Variants in PGR observed in about 807,000 individuals in gnomAD.
PGR encodes the protein progesterone receptor.
A neutral mutation model predicts 76.1 loss-of-function variants in PGR; 25 were observed. The observed-to-expected ratio is 0.33, with a 90% CI of 0.24 to 0.46. PGR has a LOEUF of 0.46. Among genes scored for constraint, PGR ranks in the 20% least tolerant of loss-of-function variants. PGR has a pLI of 1.00. For synonymous variants in PGR, 579 were observed against 535.0 expected (o/e 1.08, Z -1.14); for missense variants, 1,172 against 1,225.3 (o/e 0.96, Z 0.65).
rs1328369452 is a variant in PGR at position 101,115,030 on chromosome 11, C to G, written c.1789+10977G>C. 4.6e-5 allele frequency among the ~76,000 whole-genome samples: 7 copies of G among 152,138 alleles called. No homozygotes were observed. The East Asian group carries it at 1.2e-3, about 25-fold the overall frequency. On this transcript the variant is annotated intron_variant, in intron 2 of 7. Transcript: ENST00000325455. Reference sequence around the variant, plus strand: ...TTCCTTTAAAGCAGTGGTAAGCTAACTTTTTTGGGGGTGGGAATAAGGGGT... The same window carrying G: ...TTCCTTTAAAGCAGTGGTAAGCTAAGTTTTTTGGGGGTGGGAATAAGGGGT...
At chr11:101,042,508 T>G (rs1434034731) in intron 6 of PGR, among the ~76,000 whole-genome samples, 2 of 152,202 alleles carry the variant, frequency 1.3e-5, no homozygotes, top group Non-Finnish European at 2.9e-5. Context: ...CTTGGATCTC[T>G]TAGTAAACTT....
In PGR at chr11:101,099,394, A is replaced by G. The variant is rs757190145; in HGVS notation, c.1790-7518T>C. On this transcript the variant is annotated intron_variant, in intron 2 of 7. Coordinates refer to ENST00000325455, the MANE Select transcript of PGR (RefSeq NM_000926.4). ...CATGTTAGAAATTGGGATGGCGGTT[A>G]CTTTTGGGGAATGATTGGAAGGGGC... 4.5e-4 allele frequency among the ~76,000 whole-genome samples: 69 copies of G among 152,178 alleles called. 1 individual carries two copies. The highest frequency in any genetic ancestry group is 9.1e-4 in the Non-Finnish European group (62 of 68,036).
intron 3 of PGR, among the ~76,000 whole-genome samples, chr11:101,068,594 A>G (rs552686632): frequency 2.6e-5 from 4 of 152,226 alleles, no homozygotes; most frequent in Admixed American, 6.5e-5. Flanking sequence ...AGCTGGAGGT[A>G]TCATGCTACC....
rs906181069 is a variant in PGR at position 101,070,495 on chromosome 11, G to T, written c.1907-7743C>A. 3.9e-5 allele frequency among the ~76,000 whole-genome samples: 6 copies of T among 152,116 alleles called. No individual in the cohort carries two copies. In the East Asian group the frequency reaches 5.8e-4, roughly 15 times the overall value. On this transcript the variant is annotated intron_variant, in intron 3 of 7. Transcript: ENST00000325455. ...ACAGAACCATTCACTCCCCTGGAAG[G>T]GGGGCTGAAGCCAGGGAGCCAAGTG...
rs1859415941 is a variant in PGR, at chr11:101,033,538, A to G, written c.*5578T>C. ...CTATCAAGTTAAGGCTGCACAAAAT[A>G]TATCAAATCTGTGTGGATATAATTG... On this transcript the variant is annotated 3_prime_UTR_variant, in exon 8 of 8. Coordinates refer to ENST00000325455, the MANE Select transcript of PGR (RefSeq NM_000926.4). 1 of 192,868 alleles carries G rather than the reference A, an allele frequency of 5.2e-6. No individual in the cohort carries two copies. The highest frequency in any genetic ancestry group is 2.3e-5 in the African/African-American group (1 of 43,130). 11.9% of individuals were successfully genotyped at this position (192,868 alleles called of 1,614,324 possible).
At chr11:101,102,954 C>G (rs1004156619) in intron 2 of PGR, among the ~76,000 whole-genome samples, 5 of 151,920 alleles carry the variant, frequency 3.3e-5, no homozygotes, top group African/African-American at 9.7e-5. Flanking sequence ...GGAGCACAAC[C>G]TAGATCCCTG....
rs538081856 is a variant in PGR at position 101,036,211 on chromosome 11, T to C, written c.*2905A>G. 9 of 221,466 alleles carry C rather than the reference T, an allele frequency of 4.1e-5. No individual in the cohort carries two copies. The East Asian group carries it at 5.3e-4, about 13-fold the overall frequency. The allele number at this position is 221,466 out of a possible 1,614,324, so 13.7% of individuals were successfully genotyped here. A position where few individuals can be genotyped will look rare whatever the true frequency, so the allele number is the denominator to read the frequency against. On this transcript the variant is annotated 3_prime_UTR_variant, in exon 8 of 8. Coordinates refer to ENST00000325455, the MANE Select transcript of PGR (RefSeq NM_000926.4). ...GTTTTGGCAAAAAAAATATTGTTCATCATATTTCCATATCATCTGTATAGC... is the reference window on the plus strand; with the variant it reads ...GTTTTGGCAAAAAAAATATTGTTCACCATATTTCCATATCATCTGTATAGC...
chr11:101,100,826 T>A (rs777607499), intron 2 of PGR, among the ~76,000 whole-genome samples: 1 of 151,946 alleles, frequency 6.6e-6, no homozygotes, highest in Non-Finnish European at 1.5e-5. Flanking sequence ...GCTAATAACA[T>A]CCCATAATGC....
intron 2 of PGR, among the ~76,000 whole-genome samples, chr11:101,104,100 T>A (rs1160072796): frequency 6.6e-6 from 1 of 152,238 alleles, no homozygotes; most frequent in Non-Finnish European, 1.5e-5. Flanking sequence ...ATATCTACTA[T>A]GTGCCAACAT....
rs1181413195 is a variant in PGR at position 101,037,561 on chromosome 11, T to C, written c.*1555A>G. ...GCTTAGGGAGAGAAATAATATTCCA[T>C]TCATTCAGTTTAAAAACTTAGAACA... On this transcript the variant is annotated 3_prime_UTR_variant, in exon 8 of 8. Transcript: ENST00000325455. The C allele has an allele frequency of 4.4e-6, 1 of 228,176 alleles. No individual in the cohort carries two copies. The highest frequency in any genetic ancestry group is 8.7e-6 in the Non-Finnish European group (1 of 114,948). 14.1% of individuals were successfully genotyped at this position (228,176 alleles called of 1,614,324 possible).
chr11:101,064,755 T>C (rs1860653165), intron 3 of PGR, among the ~76,000 whole-genome samples: 1 of 152,210 alleles, frequency 6.6e-6, no homozygotes. Context: ...CTGAATATCT[T>C]GTCTTTATTA....
At chr11:101,039,845 T>A (rs1220171903) in intron 7 of PGR, among the ~76,000 whole-genome samples, 1 of 151,992 alleles carries the variant, frequency 6.6e-6, no homozygotes, top group Non-Finnish European at 1.5e-5. Flanking sequence ...CTATTCCAGC[T>A]CCCTAGACAC....
Position 101,034,325 on chromosome 11 carries a change from C to A in PGR, c.*4791G>T, listed in dbSNP as rs11224561. On this transcript the variant is annotated 3_prime_UTR_variant, in exon 8 of 8. Coordinates refer to ENST00000325455, the MANE Select transcript of PGR (RefSeq NM_000926.4). ...CAGACTCCACAGCTGCATAAGGCTG[C>A]GGACAAGCTTGGGCGCAGCCCCTGT... 2 of 217,550 alleles carry A rather than the reference C, an allele frequency of 9.2e-6. No individual in the cohort carries two copies. Among genetic ancestry groups the A allele is most frequent in the African/African-American group, 4.5e-5 (2 of 44,414 alleles). 13.5% of individuals were successfully genotyped at this position (217,550 alleles called of 1,614,324 possible). A position where few individuals can be genotyped will look rare whatever the true frequency, so the allele number is the denominator to read the frequency against.
At chr11:101,056,164 A>T (rs1015881255) in intron 4 of PGR, among the ~76,000 whole-genome samples, 12 of 152,132 alleles carry the variant, frequency 7.9e-5, no homozygotes, top group Non-Finnish European at 1.6e-4. Flanking sequence ...AGTACATTTG[A>T]GATGACCAAA....
At chr11:101,098,841 G>T (rs1055140372) in intron 2 of PGR, among the ~76,000 whole-genome samples, 1 of 152,190 alleles carries the variant, frequency 6.6e-6, no homozygotes, top group Admixed American at 6.5e-5. Context: ...AACAGGGCTA[G>T]AAAACACTAC....
intron 2 of PGR, among the ~76,000 whole-genome samples, chr11:101,100,049 G>A (rs1316471788): frequency 6.6e-6 from 1 of 152,164 alleles, no homozygotes; most frequent in East Asian, 1.9e-4. Context: ...TTGGCATAAT[G>A]CTTCCCTGGG....
intron 2 of PGR, among the ~76,000 whole-genome samples, chr11:101,125,584 CA>C: frequency 6.6e-6 from 1 of 152,244 alleles, no homozygotes; most frequent in East Asian, 1.9e-4. Flanking sequence ...CGTGTATGTA[CA>C]AATATGTATA....
rs183190424 is a variant in PGR, at chr11:101,052,207, C to T, written c.2213-639G>A. ...GATTCCACAGTCATCAGGTCACTTT[C>T]GTTCTCTGAAACTTAATCCAGTCTT... On this transcript the variant is annotated intron_variant, in intron 4 of 7. Transcript: ENST00000325455. Among the ~76,000 whole-genome samples the T allele has an allele frequency of 1.8e-4, 27 of 151,898 alleles. No homozygotes were observed. In the East Asian group the frequency reaches 4.7e-3, roughly 26 times the overall value.
intron 2 of PGR, among the ~76,000 whole-genome samples, chr11:101,108,176 C>T (rs1361722869): frequency 1.3e-5 from 2 of 150,612 alleles, no homozygotes; most frequent in African/African-American, 2.5e-5. Flanking sequence ...GTCACTTGAA[C>T]CTGGGAGGCA....
Sources: gnomAD v4.1 joint callset for allele counts (sites outside exome capture counted in the v4.1 genomes callset) on GRCh38, gnomAD v4.1.1 for gene constraint, MANE v1.5 for transcripts, NCBI Gene and HGNC (gene_info 2026-07-23, HGNC 2026-07-21) for gene names.